The following VWC2L variants were observed in gnomAD, a reference collection of about 807,000 sequenced individuals.
VWC2L encodes the protein von Willebrand factor C domain containing 2 like, also known as von Willebrand factor C domain-containing protein 2-like.
VWC2L carries 10 observed loss-of-function variants against 21.6 expected under a neutral mutation model. The ratio of observed to expected loss-of-function variants is 0.46; its 90% confidence interval spans 0.29 to 0.78. The LOEUF (loss-of-function observed/expected upper bound fraction) is 0.78, where lower values mean the gene tolerates loss of function less well. Among genes scored for constraint, VWC2L ranks in the 30% least tolerant of loss-of-function variants. The probability of loss-of-function intolerance (pLI) is 0.10; values close to 1 mark genes in which losing one functional copy is unlikely to be tolerated. For missense variants in VWC2L, 209 were observed against 277.1 expected, an observed-to-expected ratio of 0.75 and a Z score of 1.74; for synonymous variants, 96 against 94.3, an observed-to-expected ratio of 1.02 and a Z score of -0.10.
chr2:214,452,649 CTT>C (rs978580830), intron 3 of VWC2L, among the ~76,000 whole-genome samples: 1 of 151,838 alleles, frequency 6.6e-6, no homozygotes, highest in Admixed American at 6.6e-5. Context: ...GTATACGTAA[CTT>C]TTTTTTAATG....
chr2:214,430,124 A>G (rs917617624), intron 2 of VWC2L, among the ~76,000 whole-genome samples: 201 of 150,130 alleles, frequency 1.3e-3, no homozygotes, highest in African/African-American at 4.7e-3. Context: ...GTGCCTGGCC[A>G]GGAAGAAAAT....
chr2:214,523,790 G>A (rs570438590), intron 3 of VWC2L, among the ~76,000 whole-genome samples: 12 of 152,206 alleles, frequency 7.9e-5, no homozygotes, highest in Admixed American at 1.3e-4. Flanking sequence ...AGCCGAGATC[G>A]CACCCTTGCA....
intron 2 of VWC2L, among the ~76,000 whole-genome samples, chr2:214,429,094 A>G (rs1039510976): frequency 1.3e-5 from 2 of 152,102 alleles, no homozygotes; most frequent in Admixed American, 6.6e-5. Flanking sequence ...CTCTTCCCCA[A>G]CCATATGTGA....
intron 3 of VWC2L, among the ~76,000 whole-genome samples, chr2:214,537,424 G>C (rs574809897): frequency 6.7e-6 from 1 of 148,832 alleles, no homozygotes; most frequent in East Asian, 2.0e-4. Flanking sequence ...GACACAAAAA[G>C]ACGAAAAAAA....
At chr2:214,436,543 C>A (rs1376106918) in intron 2 of VWC2L, 86 bp from the exon 3 acceptor site, 1 of 1,491,824 alleles carries the variant, frequency 6.7e-7, no homozygotes, top group Non-Finnish European at 9.2e-7. Flanking sequence ...ATATAATAAG[C>A]ACTGATGTTT....
chr2:214,484,577 T>C (rs1688650852), intron 3 of VWC2L, among the ~76,000 whole-genome samples: 1 of 152,120 alleles, frequency 6.6e-6, no homozygotes, highest in East Asian at 1.9e-4. Context: ...TGGAAAATCA[T>C]CTCCTGTTAG....
At chr2:214,543,215 T>C (rs1227998204) in intron 3 of VWC2L, among the ~76,000 whole-genome samples, 1 of 152,192 alleles carries the variant, frequency 6.6e-6, no homozygotes, top group Non-Finnish European at 1.5e-5. Flanking sequence ...TGAATAGAAA[T>C]GGTTTCATTA....
intron 3 of VWC2L, among the ~76,000 whole-genome samples, chr2:214,515,636 C>G (rs1427395511): frequency 6.6e-6 from 1 of 152,208 alleles, no homozygotes; most frequent in Admixed American, 6.5e-5. Context: ...TCACTGCAAC[C>G]CCCGCCTCCC....
intron 3 of VWC2L, among the ~76,000 whole-genome samples, chr2:214,500,432 C>T (rs1354133502): frequency 6.6e-6 from 1 of 152,200 alleles, no homozygotes; most frequent in Non-Finnish European, 1.5e-5. Context: ...ATTCTTTGTG[C>T]ATGGATTCCA....
chr2:214,458,843 G>A (rs1224616674), intron 3 of VWC2L, among the ~76,000 whole-genome samples: 1 of 152,108 alleles, frequency 6.6e-6, no homozygotes, highest in African/African-American at 2.4e-5. Flanking sequence ...CTAACATATG[G>A]TCTATCCCAA....
At chr2:214,438,765 C>G (rs1702718759) in intron 3 of VWC2L, among the ~76,000 whole-genome samples, 1 of 151,948 alleles carries the variant, frequency 6.6e-6, no homozygotes, top group South Asian at 2.1e-4. Context: ...AAATTTTTCT[C>G]CAAATGAAAT....
intron 3 of VWC2L, among the ~76,000 whole-genome samples, chr2:214,553,417 A>G (rs778459977): frequency 8.5e-5 from 13 of 152,138 alleles, no homozygotes; most frequent in Non-Finnish European, 1.8e-4. Flanking sequence ...TTTGGTCCAG[A>G]AAGGTGGGAC....
chr2:214,449,920 C>A (rs529695277), intron 3 of VWC2L, among the ~76,000 whole-genome samples: 1 of 152,270 alleles, frequency 6.6e-6, no homozygotes, highest in South Asian at 2.1e-4. Context: ...GTCCCTAATG[C>A]AATATATCTG....
In VWC2L at chr2:214,550,152, G is replaced by C. The variant is rs552568371; in HGVS notation, c.521-25520G>C. Among the ~76,000 whole-genome samples the C allele has an allele frequency of 1.4e-4, 22 of 152,246 alleles. No individual in the cohort carries two copies. The South Asian group carries it at 4.4e-3, about 30-fold the overall frequency. On this transcript the variant is annotated intron_variant, in intron 3 of 3. Transcript: ENST00000312504. The stretch of plus-strand genomic sequence containing the variant: ...TTCCCTTTATTGCTCAAATGCTCCA[G>C]AAAGAACAATCCCTAGGGCTGTGCT...
chr2:214,548,070 A>C (rs1689737987), intron 3 of VWC2L, among the ~76,000 whole-genome samples: 1 of 152,188 alleles, frequency 6.6e-6, no homozygotes, highest in Admixed American at 6.5e-5. Context: ...GTGTCTTCTC[A>C]ATTTGGAGGC....
intron 3 of VWC2L, among the ~76,000 whole-genome samples, chr2:214,563,379 C>G (rs1322105086): frequency 6.6e-6 from 1 of 151,610 alleles, no homozygotes; most frequent in African/African-American, 2.4e-5. Flanking sequence ...AACCCCATCT[C>G]TACTAAAAAT....
intron 3 of VWC2L, among the ~76,000 whole-genome samples, chr2:214,544,764 T>C (rs368860493): frequency 6.6e-6 from 1 of 152,118 alleles, no homozygotes; most frequent in African/African-American, 2.4e-5. Flanking sequence ...GTTAATGGAG[T>C]GATCTCTTCT....
chr2:214,567,560 ACACACAC>A (rs1690083897), intron 3 of VWC2L, among the ~76,000 whole-genome samples: 1 of 119,892 alleles, frequency 8.3e-6, no homozygotes, highest in East Asian at 2.5e-4. Flanking sequence ...ACACACACAC[ACACACAC>A]ACACACACAC....
chr2:214,434,078 A>G (rs993813311), intron 2 of VWC2L, among the ~76,000 whole-genome samples: 3 of 152,192 alleles, frequency 2.0e-5, no homozygotes, highest in African/African-American at 7.2e-5. Context: ...AGCCAAGTTC[A>G]GGGCAGGGTG....
Sources: gnomAD v4.1 joint callset for allele counts (sites outside exome capture counted in the v4.1 genomes callset) on GRCh38, gnomAD v4.1.1 for gene constraint, MANE v1.5 for transcripts, NCBI Gene and HGNC (gene_info 2026-07-23, HGNC 2026-07-21) for gene names.